Variants in TENM4 observed in about 807,000 individuals in gnomAD.
TENM4 encodes the protein teneurin-4.
In TENM4, 82 loss-of-function variants were observed where a neutral mutation model predicts 243.3. That is an observed-to-expected ratio of 0.34 (90% CI 0.28 to 0.40). The LOEUF (loss-of-function observed/expected upper bound fraction) is 0.40. Among genes scored for constraint, TENM4 ranks in the 10% least tolerant of loss-of-function variants. The pLI, the probability that TENM4 is intolerant of heterozygous loss-of-function variation, is 1.00. For missense variants in TENM4, 3,138 were observed against 3,673.3 expected (o/e 0.85, Z 3.77); for synonymous variants, 1,412 against 1,456.3 (o/e 0.97, Z 0.69).
chr11:79,203,810 A>G (rs536900787), intron 3 of TENM4, among the ~76,000 whole-genome samples: 3 of 152,234 alleles, frequency 2.0e-5, no homozygotes, highest in Non-Finnish European at 4.4e-5. Context: ...TTATGTGACT[A>G]TCATCTCTCT....
chr11:79,241,872 C>A, intron 2 of TENM4, among the ~76,000 whole-genome samples: 1 of 152,226 alleles, frequency 6.6e-6, no homozygotes, highest in Non-Finnish European at 1.5e-5. Context: ...AGCAAGGGGG[C>A]GGCAGGACCC....
chr11:79,322,437 T>C (rs1352792484), intron 1 of TENM4, among the ~76,000 whole-genome samples: 1 of 152,240 alleles, frequency 6.6e-6, no homozygotes, highest in East Asian at 1.9e-4. Flanking sequence ...CTCCTACCCG[T>C]TGAGGCTGTG....
At chr11:79,283,213 A>AACACACACACACAC (rs33993080) in intron 2 of TENM4, among the ~76,000 whole-genome samples, 1 of 135,932 alleles carries the variant, frequency 7.4e-6, no homozygotes. Context: ...CACACACACA[A>AACACACACACACAC]ACACACACAC....
At chr11:79,307,817 G>A (rs1051397820) in intron 1 of TENM4, among the ~76,000 whole-genome samples, 2 of 152,214 alleles carry the variant, frequency 1.3e-5, no homozygotes, top group African/African-American at 2.4e-5. Flanking sequence ...TCTTCCAGGT[G>A]GGGAGGATGA....
rs536485314 is a variant in TENM4 at position 79,001,111 on chromosome 11, C to T, written c.493+63627G>A. On this transcript the variant is annotated intron_variant, in intron 6 of 33. Transcript: ENST00000278550. Reference sequence around the variant, plus strand: ...TGGCCTAAATGACCCAATCAAAAGGCTGATATTGTGACAGCAGATAAAAAA... The same window carrying T: ...TGGCCTAAATGACCCAATCAAAAGGTTGATATTGTGACAGCAGATAAAAAA... Among the ~76,000 whole-genome samples the T allele has an allele frequency of 8.5e-4, 130 of 152,256 alleles. 2 individuals are homozygous for T. Among genetic ancestry groups the T allele is most frequent in the African/African-American group, 2.8e-3 (118 of 41,550 alleles).
intron 10 of TENM4, among the ~76,000 whole-genome samples, chr11:78,862,443 A>G (rs985150276): frequency 1.3e-5 from 2 of 152,224 alleles, no homozygotes; most frequent in African/African-American, 4.8e-5. Context: ...TATTGTTATT[A>G]TTGCGGATGC....
At chr11:79,298,658 C>G (rs1252340603) in intron 1 of TENM4, among the ~76,000 whole-genome samples, 2 of 151,668 alleles carry the variant, frequency 1.3e-5, no homozygotes, top group South Asian at 4.2e-4. Context: ...TACTATGTGA[C>G]AGCTATTGAG....
chr11:78,789,106 G>A (rs897995064), intron 15 of TENM4, among the ~76,000 whole-genome samples: 2 of 151,598 alleles, frequency 1.3e-5, no homozygotes, highest in African/African-American at 4.8e-5. Flanking sequence ...CCTCCATCCC[G>A]GGTACCAAGC....
intron 30 of TENM4, 110 bp downstream of exon 30, chr11:78,676,042 T>G: frequency 1.9e-6 from 2 of 1,069,434 alleles, no homozygotes; most frequent in Non-Finnish European, 1.3e-6. Flanking sequence ...GTTCTCCCCT[T>G]TTGCAGATGA....
chr11:79,232,905 G>A (rs180772466), intron 2 of TENM4, among the ~76,000 whole-genome samples: 4 of 152,312 alleles, frequency 2.6e-5, no homozygotes, highest in East Asian at 3.9e-4. Flanking sequence ...CACTCCCTTG[G>A]TTAAAACTGT....
chr11:79,197,659 G>A lies in TENM4; in HGVS notation c.-163+18149C>T, dbSNP rs533951411. 5.3e-5 allele frequency among the ~76,000 whole-genome samples: 8 copies of A among 152,158 alleles called. No homozygotes were observed. In the South Asian group the frequency reaches 1.0e-3, roughly 20 times the overall value. On this transcript the variant is annotated intron_variant, in intron 3 of 33. Transcript: ENST00000278550. ...TTATTTTGATGTTCAGGGCATAAAG[G>A]GCCAATAGCTTTCCCCAAGTTATTT...
At chr11:79,390,948 T>C (rs986388200) in intron 1 of TENM4, among the ~76,000 whole-genome samples, 1 of 152,224 alleles carries the variant, frequency 6.6e-6, no homozygotes, top group African/African-American at 2.4e-5. Flanking sequence ...TATTATTTTA[T>C]TAAGGAGGTT....
intron 6 of TENM4, among the ~76,000 whole-genome samples, chr11:78,988,157 T>G (rs1857960613): frequency 6.6e-6 from 1 of 152,236 alleles, no homozygotes; most frequent in African/African-American, 2.4e-5. Flanking sequence ...TTTGCTCAGA[T>G]AACTTGCTCT....
intron 12 of TENM4, among the ~76,000 whole-genome samples, chr11:78,825,148 C>T (rs1857823860): frequency 6.6e-6 from 1 of 152,170 alleles, no homozygotes; most frequent in Non-Finnish European, 1.5e-5. Flanking sequence ...TCGAGGAGCA[C>T]TGGGAAGGCT....
At chr11:78,878,061 T>C (rs759563151) in intron 9 of TENM4, among the ~76,000 whole-genome samples, 68 of 152,322 alleles carry the variant, frequency 4.5e-4, no homozygotes, top group Admixed American at 1.1e-3. Flanking sequence ...CCTCTGGTTT[T>C]CCCTCCACAT....
chr11:79,121,082 A>T (rs1861735967), intron 4 of TENM4, among the ~76,000 whole-genome samples: 1 of 152,202 alleles, frequency 6.6e-6, no homozygotes, highest in Non-Finnish European at 1.5e-5. Flanking sequence ...ACACTCTTAG[A>T]TGGGGAGACA....
At chr11:79,250,990 C>T (rs1449905754) in intron 2 of TENM4, among the ~76,000 whole-genome samples, 2 of 152,096 alleles carry the variant, frequency 1.3e-5, no homozygotes, top group Admixed American at 6.5e-5. Context: ...GATCTCTCTT[C>T]CCACCAAAAC....
rs963500730 is a variant in TENM4, at chr11:79,195,279, T to C, written c.-163+20529A>G. Among the ~76,000 whole-genome samples, 22 of 152,150 alleles carry C rather than the reference T, an allele frequency of 1.4e-4. 1 individual carries two copies. Among genetic ancestry groups the C allele is most frequent in the Non-Finnish European group, 2.9e-5 (2 of 68,024 alleles). ...GGGAAATGTGAGGTCAGAGCCCCCA[T>C]AGAGAGTCCCTACTGGGGTACTGCC... On this transcript the variant is annotated intron_variant, in intron 3 of 33. Transcript: ENST00000278550.
intron 10 of TENM4, among the ~76,000 whole-genome samples, chr11:78,856,894 C>T (rs768680961): frequency 1.3e-5 from 2 of 152,176 alleles, no homozygotes; most frequent in Non-Finnish European, 2.9e-5. Context: ...CTATGCCATA[C>T]CTGGAAATTC....
Sources: allele counts gnomAD v4.1 joint callset (sites outside exome capture counted in the v4.1 genomes callset), GRCh38; gene constraint gnomAD v4.1.1; transcripts MANE v1.5; gene names NCBI Gene and HGNC (gene_info 2026-07-23, HGNC 2026-07-21).